The following ITPR2 variants were observed in gnomAD, a reference collection of about 807,000 sequenced individuals.
The protein encoded by ITPR2 is inositol 1,4,5-trisphosphate receptor type 2.
Under a neutral mutation model 317.1 loss-of-function variants are expected in ITPR2, and 207 were observed. The observed-to-expected ratio is 0.65, with a 90% CI of 0.58 to 0.73. ITPR2 has a LOEUF of 0.73. ITPR2 is among the 30% of genes least tolerant of loss of function. The pLI, the probability that ITPR2 is intolerant of heterozygous loss-of-function variation, is 0.00. For missense variants in ITPR2, 2,613 were observed against 3,284.0 expected (o/e 0.80, Z 4.99); for synonymous variants, 1,156 against 1,149.1 (o/e 1.01, Z -0.12).
chr12:26,685,589 C>G (rs1471660823), intron 11 of ITPR2, among the ~76,000 whole-genome samples: 2 of 151,984 alleles, frequency 1.3e-5, no homozygotes, highest in East Asian at 1.9e-4. Context: ...AGAGTGAGAT[C>G]CTGTCTCAAA....
At chr12:26,417,622 G>T (rs1565515258) in intron 50 of ITPR2, among the ~76,000 whole-genome samples, 1 of 152,096 alleles carries the variant, frequency 6.6e-6, no homozygotes, top group Non-Finnish European at 1.5e-5. Flanking sequence ...CACCATGATT[G>T]TAAGTTTCCT....
chr12:26,342,860 C>T (rs758076076), intron 55 of ITPR2, among the ~76,000 whole-genome samples: 38 of 151,840 alleles, frequency 2.5e-4, no homozygotes, highest in South Asian at 2.1e-4. Context: ...CCGCCTGCCT[C>T]GGCTTCCCAA....
chr12:26,722,285 G>T, intron 5 of ITPR2, 112 bp downstream of exon 5: 1 of 859,932 alleles, frequency 1.2e-6, no homozygotes, highest in Non-Finnish European at 1.8e-6. Flanking sequence ...ATAAAAATCA[G>T]GTATTGAGTA....
At chr12:26,744,009 C>T (rs1565732903) in intron 2 of ITPR2, among the ~76,000 whole-genome samples, 1 of 152,354 alleles carries the variant, frequency 6.6e-6, no homozygotes, top group East Asian at 1.9e-4. Context: ...ATCTAAATCA[C>T]CATAATTTCT....
chr12:26,614,202 G>A, intron 26 of ITPR2, among the ~76,000 whole-genome samples: 1 of 151,982 alleles, frequency 6.6e-6, no homozygotes, highest in East Asian at 1.9e-4. Context: ...ATCTTCTAAG[G>A]GAAAAATGTA....
chr12:26,345,633 C>G (rs1488657697), intron 55 of ITPR2, among the ~76,000 whole-genome samples: 7 of 152,182 alleles, frequency 4.6e-5, no homozygotes, highest in Non-Finnish European at 8.8e-5. Context: ...TCCAATATAG[C>G]AGCATTCTTA....
At chr12:26,476,104 A>G (rs1942411380) in intron 44 of ITPR2, among the ~76,000 whole-genome samples, 3 of 152,246 alleles carry the variant, frequency 2.0e-5, no homozygotes, top group Admixed American at 6.5e-5. Flanking sequence ...GCAGATAGAC[A>G]TTATGCTCTC....
chr12:26,381,507 A>G lies in ITPR2; in HGVS notation c.7857+5927T>C, dbSNP rs538962245. ...ATGTTTAGTGAATTGCTGTTAATAC[A>G]TATTACAGATATTACCTGCCCTGGT... On this transcript the variant is annotated intron_variant, in intron 55 of 56. Transcript: ENST00000381340. Among the ~76,000 whole-genome samples the G allele has an allele frequency of 9.2e-5, 14 of 152,336 alleles. No individual in the cohort carries two copies. The East Asian group carries it at 2.7e-3, about 29-fold the overall frequency.
intron 2 of ITPR2, among the ~76,000 whole-genome samples, chr12:26,779,527 G>A (rs1950040116): frequency 6.6e-6 from 1 of 152,200 alleles, no homozygotes. Context: ...CTCTACTCCT[G>A]CCACCAGGCC....
chr12:26,666,200 C>G (rs1947629670), intron 13 of ITPR2, 149 bp from the exon 14 acceptor site: 6 of 404,712 alleles, frequency 1.5e-5, no homozygotes, highest in African/African-American at 2.4e-5. Flanking sequence ...GAACTCAAAT[C>G]CATGGAAATT....
intron 15 of ITPR2, among the ~76,000 whole-genome samples, chr12:26,660,696 C>A (rs1592008325): frequency 6.6e-6 from 1 of 152,196 alleles, no homozygotes; most frequent in East Asian, 1.9e-4. Context: ...GTTATTATAT[C>A]ATTTTAAGGA....
At chr12:26,621,750 T>C (rs561264697) in intron 25 of ITPR2, among the ~76,000 whole-genome samples, 1 of 152,328 alleles carries the variant, frequency 6.6e-6, no homozygotes, top group East Asian at 1.9e-4. Flanking sequence ...GTTAAATAAA[T>C]AGTGAAACAT....
At chr12:26,420,855 G>A (rs1243801800) in intron 49 of ITPR2, among the ~76,000 whole-genome samples, 4 of 152,078 alleles carry the variant, frequency 2.6e-5, no homozygotes, top group Non-Finnish European at 5.9e-5. Flanking sequence ...GAAAAAGAGA[G>A]TGTCCAGAAG....
rs781109489 is a variant in ITPR2 at position 26,400,173 on chromosome 12, C to T, written c.7485G>A (p.Arg2495=). The change falls in exon 53 of 57, where the codon AGG becomes AGA. Residue 2495 remains arginine (R), a synonymous_variant. Coordinates refer to ENST00000381340, the MANE Select transcript of ITPR2 (RefSeq NM_002223.4). Reference sequence around the variant, plus strand: ...GCACATCCCCCACACCACCGCCATTCCTGAGGCCCTGGTTCAGCACGGTGA... The same window carrying T: ...GCACATCCCCCACACCACCGCCATTTCTGAGGCCCTGGTTCAGCACGGTGA... ...CIVTVLNQGL[R]NGGGVGDVLR... 1 of 1,611,956 alleles carries T rather than the reference C, an allele frequency of 6.2e-7. No homozygotes were observed. Among genetic ancestry groups the T allele is most frequent in the Non-Finnish European group, 8.5e-7 (1 of 1,178,592 alleles).
intron 22 of ITPR2, among the ~76,000 whole-genome samples, chr12:26,629,222 G>A (rs1436273069): frequency 6.6e-6 from 1 of 152,076 alleles, no homozygotes; most frequent in African/African-American, 2.4e-5. Context: ...TTCCGCTCTT[G>A]CCTCCGCACA....
chr12:26,625,819 T>C (rs905582723), intron 23 of ITPR2, among the ~76,000 whole-genome samples: 3 of 152,204 alleles, frequency 2.0e-5, no homozygotes, highest in Non-Finnish European at 2.9e-5. Context: ...TCTTTTTACC[T>C]AAGCTTACTA....
chr12:26,596,231 T>A (rs2137114702), intron 31 of ITPR2, among the ~76,000 whole-genome samples: 1 of 152,382 alleles, frequency 6.6e-6, no homozygotes, highest in East Asian at 1.9e-4. Context: ...AGCACCTGTT[T>A]TATGCTCAAG....
chr12:26,697,309 C>G (rs572273373), intron 9 of ITPR2, among the ~76,000 whole-genome samples: 3 of 152,078 alleles, frequency 2.0e-5, no homozygotes, highest in Admixed American at 1.3e-4. Flanking sequence ...AAGGAAAGAA[C>G]AAAGGAAGGA....
chr12:26,736,174 A>G (rs1949115610), intron 2 of ITPR2, among the ~76,000 whole-genome samples: 1 of 152,178 alleles, frequency 6.6e-6, no homozygotes, highest in Non-Finnish European at 1.5e-5. Flanking sequence ...CTATCAAAAT[A>G]CAAACACCTG....
Sources: gnomAD v4.1 joint callset for allele counts (sites outside exome capture counted in the v4.1 genomes callset) on GRCh38, gnomAD v4.1.1 for gene constraint, MANE v1.5 for transcripts, NCBI Gene and HGNC (gene_info 2026-07-23, HGNC 2026-07-21) for gene names.